Variants in SYN3 observed in about 807,000 individuals in gnomAD.
SYN3 encodes the protein synapsin III.
SYN3 carries 35 observed loss-of-function variants against 65.8 expected under a neutral mutation model. The ratio of observed to expected loss-of-function variants is 0.53; its 90% CI spans 0.41 to 0.70. SYN3 has a LOEUF of 0.70. Among genes scored for constraint, SYN3 ranks in the 30% least tolerant of loss-of-function variants. SYN3 has a pLI of 0.00. For synonymous variants in SYN3, 270 were observed against 292.9 expected (o/e 0.92, Z 0.80); for missense variants, 680 against 749.0 (o/e 0.91, Z 1.08).
intron 1 of SYN3, among the ~76,000 whole-genome samples, chr22:33,017,258 G>A (rs952382923): frequency 3.9e-5 from 6 of 152,134 alleles, no homozygotes; most frequent in Admixed American, 3.3e-4. Flanking sequence ...CTGTTCTATC[G>A]GTCATTGTGT....
rs541078832 is a variant in SYN3, at chr22:32,873,986, T to C, written c.462-4861A>G. Among the ~76,000 whole-genome samples the C allele has an allele frequency of 5.9e-5, 9 of 151,712 alleles. No individual in the cohort carries two copies. In the East Asian group the frequency reaches 1.2e-3, roughly 20 times the overall value. On this transcript the variant is annotated intron_variant, in intron 4 of 13. Coordinates refer to ENST00000358763, the MANE Select transcript of SYN3 (RefSeq NM_003490.4). ...TACAAAAAATACAAAAAAAAAAAATTAGCTGGGCATAGTGGCACACACCTG... is the reference window on the plus strand; with the variant it reads ...TACAAAAAATACAAAAAAAAAAAATCAGCTGGGCATAGTGGCACACACCTG...
chr22:32,910,752 G>A lies in SYN3; in HGVS notation c.461+20638C>T, dbSNP rs536745255. The stretch of plus-strand genomic sequence containing the variant: ...CCTCAGATTCTTCATCTGGAAAATA[G>A]GTCGTTCAGAGGATTCAAGGAATTA... On this transcript the variant is annotated intron_variant, in intron 4 of 13. Coordinates refer to ENST00000358763, the MANE Select transcript of SYN3 (RefSeq NM_003490.4). 4.6e-5 allele frequency among the ~76,000 whole-genome samples: 7 copies of A among 152,318 alleles called. No individual in the cohort carries two copies. The South Asian group carries it at 1.4e-3, about 32-fold the overall frequency.
chr22:32,628,744 G>T (rs1303896632), intron 6 of SYN3, among the ~76,000 whole-genome samples: 3 of 150,606 alleles, frequency 2.0e-5, no homozygotes, highest in Non-Finnish European at 4.4e-5. Flanking sequence ...GCGAGACTTC[G>T]TCTAAAAAAA....
At chr22:32,937,156 C>T (rs375281516) in intron 3 of SYN3, among the ~76,000 whole-genome samples, 5 of 151,716 alleles carry the variant, frequency 3.3e-5, no homozygotes, top group African/African-American at 1.2e-4. Flanking sequence ...TAGAAACAGA[C>T]GTGGAAATGG....
At chr22:32,598,439 T>C (rs2059234037) in intron 6 of SYN3, among the ~76,000 whole-genome samples, 1 of 152,206 alleles carries the variant, frequency 6.6e-6, no homozygotes, top group Non-Finnish European at 1.5e-5. Flanking sequence ...CAGCTTGAGT[T>C]GAACAGTTCC....
intron 4 of SYN3, among the ~76,000 whole-genome samples, chr22:32,889,968 C>A (rs2049396974): frequency 6.6e-6 from 1 of 151,208 alleles, no homozygotes; most frequent in African/African-American, 2.4e-5. Flanking sequence ...GCCAGTTTCA[C>A]CTACTCTGAG....
intron 6 of SYN3, among the ~76,000 whole-genome samples, chr22:32,730,153 G>C (rs953610050): frequency 6.6e-5 from 10 of 152,180 alleles, no homozygotes; most frequent in African/African-American, 2.4e-4. Context: ...CTTAGACAAG[G>C]ACATTGGCTA....
intron 4 of SYN3, among the ~76,000 whole-genome samples, chr22:32,925,230 C>T (rs543497995): frequency 3.3e-5 from 5 of 152,208 alleles, no homozygotes; most frequent in Non-Finnish European, 7.3e-5. Context: ...TCCAACATCA[C>T]AGGGTGTTTT....
At position 32,676,054 on chromosome 22, in the gene SYN3, A is replaced by AGTC. The variant is rs2060436173; in HGVS notation, c.712-79319_712-79318insGAC. ...AGAGCACTCTTCCAGCCCCAGGATG[A>AGTC]ACTCTGAGGATGAAGACTACCTGAA... On this transcript the variant is annotated intron_variant, in intron 6 of 13. Coordinates refer to ENST00000358763, the MANE Select transcript of SYN3 (RefSeq NM_003490.4). 1.4e-3 allele frequency among the ~76,000 whole-genome samples: 216 copies of AGTC among 152,314 alleles called. 2 individuals carry two copies. Among genetic ancestry groups the AGTC allele is most frequent in the Middle Eastern group, 6.8e-3 (2 of 294 alleles).
chr22:32,764,265 T>A (rs1437064775), intron 6 of SYN3, among the ~76,000 whole-genome samples: 1 of 152,116 alleles, frequency 6.6e-6, no homozygotes, highest in African/African-American at 2.4e-5. Flanking sequence ...TTAATCAGCT[T>A]TCTTAAGGAA....
chr22:32,715,778 C>CAAAA (rs765122891), intron 6 of SYN3, among the ~76,000 whole-genome samples: 4 of 67,586 alleles, frequency 5.9e-5, no homozygotes, highest in East Asian at 3.9e-4. Context: ...GACTCTGTCT[C>CAAAA]AAAAAAAAAA....
chr22:32,821,204 C>A (rs1601448151), intron 6 of SYN3, among the ~76,000 whole-genome samples: 3 of 152,266 alleles, frequency 2.0e-5, no homozygotes, highest in African/African-American at 7.2e-5. Flanking sequence ...AGTTAGTTGA[C>A]TAAAATGTAA....
At chr22:32,753,691 A>G (rs1403324620) in intron 6 of SYN3, among the ~76,000 whole-genome samples, 4 of 152,224 alleles carry the variant, frequency 2.6e-5, no homozygotes, top group Non-Finnish European at 5.9e-5. Context: ...TATCCCATAC[A>G]CTTAACGCCC....
In SYN3 at chr22:32,512,304, G is replaced by A. The variant is rs4257479; in HGVS notation, c.*1388C>T. On this transcript the variant is annotated 3_prime_UTR_variant, in exon 14 of 14. Coordinates refer to ENST00000358763, the MANE Select transcript of SYN3 (RefSeq NM_003490.4). ...CCTGTGGACAGCAAAAGGAAGACATGTCTCATGTTGCGAAGTGGGAGGCAA... is the reference window on the plus strand; with the variant it reads ...CCTGTGGACAGCAAAAGGAAGACATATCTCATGTTGCGAAGTGGGAGGCAA... 0.72 allele frequency among the ~76,000 whole-genome samples: 109,776 copies of A among 152,168 alleles called. 41,528 individuals are homozygous for A. The highest frequency in any genetic ancestry group is 0.9 in the East Asian group (4,654 of 5,188).
intron 6 of SYN3, among the ~76,000 whole-genome samples, chr22:32,830,660 AC>A (rs149734784): frequency 1.3e-5 from 2 of 151,032 alleles, no homozygotes; most frequent in South Asian, 2.1e-4. Context: ...CCACAGGGCC[AC>A]CCCCCCGCCC....
chr22:32,878,153 C>T (rs959088219), intron 4 of SYN3, among the ~76,000 whole-genome samples: 10 of 152,120 alleles, frequency 6.6e-5, no homozygotes, highest in Non-Finnish European at 7.4e-5. Flanking sequence ...CCACCCTGAA[C>T]CTCTCATCAT....
chr22:32,540,631 G>A (rs2058239063), intron 8 of SYN3, among the ~76,000 whole-genome samples: 1 of 152,196 alleles, frequency 6.6e-6, no homozygotes, highest in South Asian at 2.1e-4. Flanking sequence ...ACAGCCCCAT[G>A]TAATCCGTGC....
At position 33,006,584 on chromosome 22, in the gene SYN3, G is replaced by A. The variant is rs779881121; in HGVS notation, c.79C>T (p.Arg27Cys). The change falls in exon 2 of 14, where the codon CGC becomes TGC. Residue 27 changes from arginine to cysteine, a missense_variant. By Grantham distance (180) the Arg-to-Cys change is radical. Transcript: ENST00000358763. ...GGTGAGCTGGTGGAGCTATCTGGGC[G>A]TTGCAGGTCCGTCATATAGCCATTA... ...LPNGYMTDLQ[R>C]PDSSTSSPAS... 55 of 1,613,878 alleles carry A rather than the reference G, an allele frequency of 3.4e-5. 1 individual carries two copies. Among genetic ancestry groups the A allele is most frequent in the South Asian group, 1.2e-4 (11 of 91,064 alleles).
intron 2 of SYN3, among the ~76,000 whole-genome samples, chr22:32,989,255 A>G (rs186657343): frequency 1.3e-5 from 2 of 152,202 alleles, no homozygotes; most frequent in East Asian, 1.9e-4. Context: ...GGACATTACT[A>G]TATCTGCTGT....
Sources: allele counts gnomAD v4.1 joint callset (sites outside exome capture counted in the v4.1 genomes callset), GRCh38; gene constraint gnomAD v4.1.1; transcripts MANE v1.5; gene names NCBI Gene and HGNC (gene_info 2026-07-23, HGNC 2026-07-21).